The following ITGA8 variants were observed in gnomAD, a reference collection of about 807,000 sequenced individuals.
ITGA8 encodes the protein integrin subunit alpha 8.
A neutral mutation model predicts 142.3 loss-of-function variants in ITGA8; 91 were observed. The observed-to-expected ratio is 0.64, with a 90% CI of 0.54 to 0.76. The LOEUF (loss-of-function observed/expected upper bound fraction) is 0.76. ITGA8 is among the 30% of genes least tolerant of loss of function. The pLI, the probability that ITGA8 is intolerant of heterozygous loss-of-function variation, is 0.00. For synonymous variants in ITGA8, 505 were observed against 485.2 expected (o/e 1.04, Z -0.54); for missense variants, 1,406 against 1,327.7 (o/e 1.06, Z -0.92).
intron 13 of ITGA8, among the ~76,000 whole-genome samples, chr10:15,632,657 C>T (rs980939855): frequency 3.3e-5 from 5 of 152,080 alleles, no homozygotes; most frequent in African/African-American, 9.7e-5. Context: ...ACACCAAGGT[C>T]ACTACAGCTT....
chr10:15,689,427 G>A (rs1291288805), intron 2 of ITGA8, among the ~76,000 whole-genome samples: 1 of 152,128 alleles, frequency 6.6e-6, no homozygotes, highest in African/African-American at 2.4e-5. Flanking sequence ...CATCTCCTAA[G>A]CCAGGATGAA....
At chr10:15,683,220 A>G (rs1047956221) in intron 4 of ITGA8, among the ~76,000 whole-genome samples, 2 of 152,180 alleles carry the variant, frequency 1.3e-5, no homozygotes, top group Non-Finnish European at 2.9e-5. Flanking sequence ...TATCTGGCAC[A>G]CTGAAAACTG....
At chr10:15,553,582 A>T (rs1833832324) in intron 26 of ITGA8, among the ~76,000 whole-genome samples, 1 of 152,214 alleles carries the variant, frequency 6.6e-6, no homozygotes, top group Non-Finnish European at 1.5e-5. Context: ...ATCCAACTCC[A>T]AAGCTTTTTC....
intron 23 of ITGA8, among the ~76,000 whole-genome samples, chr10:15,580,889 G>A (rs75055655): frequency 0.02 from 3,099 of 152,270 alleles, 42 homozygotes; most frequent in Middle Eastern, 0.031. Flanking sequence ...TCTTTTTACC[G>A]CTTCTATTGA....
intron 9 of ITGA8, 36 bp downstream of exon 9, chr10:15,660,843 A>T (rs1834271319): frequency 6.4e-7 from 1 of 1,561,820 alleles, no homozygotes; most frequent in Admixed American, 1.7e-5. Flanking sequence ...TATACAAGAA[A>T]ATACCCTATT....
intron 2 of ITGA8, among the ~76,000 whole-genome samples, chr10:15,709,686 G>C (rs1280308073): frequency 6.6e-6 from 1 of 152,114 alleles, no homozygotes; most frequent in African/African-American, 2.4e-5. Flanking sequence ...AATAGACTGT[G>C]AATTAACTTC....
chr10:15,608,366 A>G (rs554137060), intron 15 of ITGA8, 76 bp from the exon 16 acceptor site: 1 of 813,980 alleles, frequency 1.2e-6, no homozygotes, highest in Non-Finnish European at 2.0e-6. Context: ...ACCTAATCCC[A>G]GATAACGAAT....
chr10:15,518,286 CT>C (rs531445802), intron 29 of ITGA8, among the ~76,000 whole-genome samples: 3 of 152,210 alleles, frequency 2.0e-5, no homozygotes, highest in Non-Finnish European at 4.4e-5. Context: ...AGTCATCTCT[CT>C]TTCTCAGAGC....
intron 28 of ITGA8, among the ~76,000 whole-genome samples, chr10:15,530,458 A>C (rs965797760): frequency 3.6e-5 from 5 of 140,150 alleles, no homozygotes; most frequent in South Asian, 2.3e-4. Flanking sequence ...AGGCAGAAGA[A>C]TTGCTTGAAC....
intron 6 of ITGA8, among the ~76,000 whole-genome samples, chr10:15,675,356 A>G (rs77275990): frequency 0.013 from 1,977 of 152,282 alleles, 42 homozygotes; most frequent in African/African-American, 0.045. Context: ...ACAGCCATTC[A>G]GTAGCAGGCG....
intron 25 of ITGA8, among the ~76,000 whole-genome samples, chr10:15,564,530 T>C (rs1366284244): frequency 6.6e-6 from 1 of 152,248 alleles, no homozygotes; most frequent in African/African-American, 2.4e-5. Flanking sequence ...AAGGAAATAA[T>C]TGTTGGTAAA....
intron 2 of ITGA8, among the ~76,000 whole-genome samples, chr10:15,692,870 C>G (rs1834960550): frequency 6.6e-6 from 1 of 152,144 alleles, no homozygotes; most frequent in Non-Finnish European, 1.5e-5. Context: ...GAGTTTGAGA[C>G]CAGCCTGACC....
intron 4 of ITGA8, among the ~76,000 whole-genome samples, chr10:15,683,300 T>TCCACCCATCCAC (rs1564407368): frequency 1.1e-3 from 152 of 140,676 alleles, no homozygotes; most frequent in Non-Finnish European, 1.6e-3. Flanking sequence ...CATCCACCCA[T>TCCACCCATCCAC]CCACCCACCC....
intron 23 of ITGA8, among the ~76,000 whole-genome samples, chr10:15,585,105 A>G (rs757790088): frequency 6.6e-6 from 1 of 152,212 alleles, no homozygotes; most frequent in Non-Finnish European, 1.5e-5. Flanking sequence ...ACATGAGTGA[A>G]TTACAGGCAC....
At chr10:15,553,113 C>A (rs954477630) in intron 26 of ITGA8, among the ~76,000 whole-genome samples, 2 of 151,952 alleles carry the variant, frequency 1.3e-5, no homozygotes, top group African/African-American at 4.8e-5. Context: ...AAAAATTAGC[C>A]GGGCATGGTG....
At chr10:15,586,386 T>C (rs904853073) in intron 23 of ITGA8, among the ~76,000 whole-genome samples, 198 bp downstream of exon 23, 4 of 152,082 alleles carry the variant, frequency 2.6e-5, no homozygotes, top group African/African-American at 9.7e-5. Context: ...TTGATATTCT[T>C]GGAGTTAATT....
chr10:15,526,355 T>C (rs543175602), intron 28 of ITGA8, among the ~76,000 whole-genome samples: 1 of 152,254 alleles, frequency 6.6e-6, no homozygotes, highest in East Asian at 1.9e-4. Context: ...TTTCTATTTT[T>C]AGTAGAGATG....
At chr10:15,647,162 A>G in intron 11 of ITGA8, 111 bp from the exon 12 acceptor site, 1 of 788,486 alleles carries the variant, frequency 1.3e-6, no homozygotes, top group Non-Finnish European at 2.1e-6. Flanking sequence ...TCCTTTTCTG[A>G]GGGTTATTTT....
chr10:15,551,360 T>C (rs1406479562), intron 26 of ITGA8, among the ~76,000 whole-genome samples: 1 of 151,244 alleles, frequency 6.6e-6, no homozygotes, highest in African/African-American at 2.4e-5. Context: ...GAAGAGACCA[T>C]CCAAATGGCA....
Sources: allele counts gnomAD v4.1 joint callset (sites outside exome capture counted in the v4.1 genomes callset), GRCh38; gene constraint gnomAD v4.1.1; transcripts MANE v1.5; gene names NCBI Gene and HGNC (gene_info 2026-07-23, HGNC 2026-07-21).